CCDC126: variants seen among roughly 807,000 people sequenced by gnomAD.
CCDC126 encodes coiled-coil domain containing 126.
A neutral mutation model predicts 11.7 loss-of-function variants in CCDC126; 5 were observed. That is an observed-to-expected ratio of 0.43 (90% CI 0.22 to 0.90). CCDC126 has a LOEUF of 0.90. Ranked by LOEUF, CCDC126 falls within the 40% of genes least tolerant of loss-of-function variation. The pLI is 0.27. For synonymous variants in CCDC126, 60 were observed against 61.9 expected, an observed-to-expected ratio of 0.97 and a Z score of 0.14; for missense variants, 150 against 163.1, an observed-to-expected ratio of 0.92 and a Z score of 0.44.
At chr7:23,622,688 C>CAG in intron 3 of CCDC126, 2 of 531,614 alleles carry the variant, frequency 3.8e-6, no homozygotes, top group Non-Finnish European at 3.8e-6. Context: ...CTGCTTAGTA[C>CAG]AGAGAGTAGC....
At chr7:23,613,398 C>G (rs543503087) in intron 3 of CCDC126, among the ~76,000 whole-genome samples, 1 of 152,062 alleles carries the variant, frequency 6.6e-6, no homozygotes, top group East Asian at 1.9e-4. Context: ...TTTTTCTACT[C>G]CCAAAAGTCC....
chr7:23,629,307 C>T (rs1042921009), intron 3 of CCDC126, among the ~76,000 whole-genome samples: 17 of 152,144 alleles, frequency 1.1e-4, no homozygotes, highest in Admixed American at 1.1e-3. Flanking sequence ...TTGTCTCTTC[C>T]ACCCCTCTGC....
At chr7:23,618,949 TAC>T in intron 3 of CCDC126, among the ~76,000 whole-genome samples, 1 of 152,150 alleles carries the variant, frequency 6.6e-6, no homozygotes, top group African/African-American at 2.4e-5. Context: ...GCTGGTCAGA[TAC>T]CCTGGAGAAG....
At chr7:23,636,799 G>C (rs1204628622) in intron 3 of CCDC126, among the ~76,000 whole-genome samples, 1 of 133,274 alleles carries the variant, frequency 7.5e-6, no homozygotes, top group Non-Finnish European at 1.6e-5. Flanking sequence ...CGCCCGGCCA[G>C]CCGCCCCGTC....
chr7:23,625,303 A>T (rs6952712), intron 3 of CCDC126, among the ~76,000 whole-genome samples: 16,766 of 152,150 alleles, frequency 0.11, 2,733 homozygotes, highest in African/African-American at 0.36. Context: ...ATGTTTAAGA[A>T]TAGATTACCT....
intron 3 of CCDC126, among the ~76,000 whole-genome samples, chr7:23,638,234 G>C (rs549645343): frequency 6.6e-6 from 1 of 152,032 alleles, no homozygotes; most frequent in African/African-American, 2.4e-5. Context: ...ACTCATTGGG[G>C]ATGGGCCATG....
chr7:23,614,354 C>T (rs1272220623), intron 3 of CCDC126, among the ~76,000 whole-genome samples: 1 of 152,204 alleles, frequency 6.6e-6, no homozygotes, highest in Non-Finnish European at 1.5e-5. Flanking sequence ...CTGTTCAAGT[C>T]TTATCATGAG....
intron 3 of CCDC126, among the ~76,000 whole-genome samples, chr7:23,612,437 T>G (rs1782730291): frequency 8.2e-6 from 1 of 122,238 alleles, no homozygotes; most frequent in Non-Finnish European, 1.6e-5. Flanking sequence ...ATTGTGCCAC[T>G]GAATTCTAGC....
intron 3 of CCDC126, among the ~76,000 whole-genome samples, chr7:23,612,165 A>G (rs868795292): frequency 1.1e-3 from 164 of 149,690 alleles, no homozygotes; most frequent in African/African-American, 3.8e-3. Context: ...AAAAAAAAAA[A>G]TGTATCTTGG....
intron 3 of CCDC126, chr7:23,622,359 T>G (rs2128018391): frequency 3.8e-6 from 1 of 263,944 alleles, no homozygotes; most frequent in East Asian, 1.2e-4. Flanking sequence ...TTTTCTAGTT[T>G]ATTTGTGTAG....
chr7:23,604,889 T>C (rs1354523527), intron 2 of CCDC126, among the ~76,000 whole-genome samples: 1 of 151,706 alleles, frequency 6.6e-6, no homozygotes, highest in Non-Finnish European at 1.5e-5. Context: ...TCCCAGCTAC[T>C]TGGGACGCTG....
intron 3 of CCDC126, among the ~76,000 whole-genome samples, chr7:23,616,609 C>T (rs1437247158): frequency 1.3e-5 from 2 of 152,166 alleles, no homozygotes; most frequent in Non-Finnish European, 2.9e-5. Flanking sequence ...AAAGGCTCTG[C>T]TCTGTTCTGT....
intron 2 of CCDC126, among the ~76,000 whole-genome samples, chr7:23,599,241 A>G (rs960411452): frequency 1.3e-5 from 2 of 152,144 alleles, no homozygotes; most frequent in East Asian, 3.8e-4. Flanking sequence ...CTGATTCTTC[A>G]TAACTTTAGC....
At chr7:23,630,399 T>A (rs1308683329) in intron 3 of CCDC126, among the ~76,000 whole-genome samples, 1 of 152,082 alleles carries the variant, frequency 6.6e-6, no homozygotes, top group Non-Finnish European at 1.5e-5. Flanking sequence ...CTCAGGAGGC[T>A]GAGGTATGAG....
chr7:23,625,799 GCGCCCGCCACCA>G (rs1303685753), intron 3 of CCDC126, among the ~76,000 whole-genome samples: 1 of 151,696 alleles, frequency 6.6e-6, no homozygotes, highest in Non-Finnish European at 1.5e-5. Context: ...GGGACTACAG[GCGCCCGCCACCA>G]CGCCCAGCTA....
rs1185416934 is a variant in CCDC126, at chr7:23,643,412, C to G, written c.*297C>G. 1 of 254,444 alleles carries G rather than the reference C, an allele frequency of 3.9e-6. No homozygotes were observed. The highest frequency in any genetic ancestry group is 2.2e-5 in the African/African-American group (1 of 45,236). The allele number at this position is 254,444 out of a possible 1,614,324, so 15.8% of individuals were successfully genotyped here. ...TGTATAAATCTTTTGTGTTTGAGAT[C>G]AAGCTGAAATGAAAACACTGAAAAA... On this transcript the variant is annotated 3_prime_UTR_variant, in exon 4 of 4. Coordinates refer to ENST00000307471, the MANE Select transcript of CCDC126 (RefSeq NM_138771.4).
chr7:23,620,275 T>C (rs1782869439), intron 3 of CCDC126, among the ~76,000 whole-genome samples: 1 of 152,244 alleles, frequency 6.6e-6, no homozygotes, highest in Non-Finnish European at 1.5e-5. Context: ...ATCGCCATTC[T>C]AACTGGCGTG....
At chr7:23,603,172 A>G (rs1782569850) in intron 2 of CCDC126, among the ~76,000 whole-genome samples, 1 of 152,116 alleles carries the variant, frequency 6.6e-6, no homozygotes, top group Non-Finnish European at 1.5e-5. Context: ...CTTTGTGTTT[A>G]TCTTTGTTTT....
chr7:23,598,384 GTTC>G (rs1782466941), intron 2 of CCDC126: 1 of 152,222 alleles, frequency 6.6e-6, no homozygotes. Flanking sequence ...TGGGTTGTGT[GTTC>G]TTCACTTTAT....
Sources: allele counts gnomAD v4.1 joint callset (sites outside exome capture counted in the v4.1 genomes callset), GRCh38; gene constraint gnomAD v4.1.1; transcripts MANE v1.5; gene names NCBI Gene and HGNC (gene_info 2026-07-23, HGNC 2026-07-21).